The following GRIA4 variants were observed in gnomAD, a reference collection of about 807,000 sequenced individuals.
The protein encoded by GRIA4 is glutamate receptor 4.
Under a neutral mutation model 104.0 loss-of-function variants are expected in GRIA4, and 34 were observed. The ratio of observed to expected loss-of-function variants is 0.33; its 90% CI spans 0.25 to 0.44. GRIA4 has a LOEUF of 0.44. GRIA4 is among the 20% of genes least tolerant of loss of function. The pLI, the probability that GRIA4 is intolerant of heterozygous loss-of-function variation, is 1.00. For missense variants in GRIA4, 750 were observed against 1,096.5 expected, an observed-to-expected ratio of 0.68 and a Z score of 4.46; for synonymous variants, 386 against 381.9, an observed-to-expected ratio of 1.01 and a Z score of -0.13.
At chr11:105,676,498 G>T (rs1952541341) in intron 3 of GRIA4, among the ~76,000 whole-genome samples, 1 of 120,438 alleles carries the variant, frequency 8.3e-6, no homozygotes, top group Admixed American at 9.8e-5. Flanking sequence ...AAACATATTT[G>T]ATATCTTATA....
At chr11:105,867,499 T>A (rs1205222363) in intron 5 of GRIA4, among the ~76,000 whole-genome samples, 1 of 152,196 alleles carries the variant, frequency 6.6e-6, no homozygotes, top group Non-Finnish European at 1.5e-5. Flanking sequence ...CGTACAAATC[T>A]AGAACTCTGT....
intron 7 of GRIA4, among the ~76,000 whole-genome samples, chr11:105,901,494 G>C (rs1435265108): frequency 6.6e-6 from 1 of 152,166 alleles, no homozygotes; most frequent in African/African-American, 2.4e-5. Flanking sequence ...GAAATGATTA[G>C]TAAGAATATT....
At chr11:105,880,940 T>C (rs1946030473) in intron 5 of GRIA4, among the ~76,000 whole-genome samples, 1 of 152,218 alleles carries the variant, frequency 6.6e-6, no homozygotes, top group African/African-American at 2.4e-5. Flanking sequence ...ACTACTACAA[T>C]GGTTTACTTG....
intron 14 of GRIA4, among the ~76,000 whole-genome samples, chr11:105,946,180 C>T (rs1021764564): frequency 1.3e-5 from 2 of 152,164 alleles, no homozygotes; most frequent in Non-Finnish European, 1.5e-5. Context: ...TCACTATAAC[C>T]TCTCACTTTT....
rs60005308 is a variant in GRIA4 at position 105,911,775 on chromosome 11, A to AATATATATATATAT, written c.1269+1251_1269+1264dup. 8.5e-3 allele frequency: 632 copies of AATATATATATATAT among 74,534 alleles called. 24 individuals are homozygous for AATATATATATATAT. The highest frequency in any genetic ancestry group is 0.014 in the African/African-American group (200 of 14,458). The allele number at this position is 74,534 out of a possible 1,614,324, so 4.6% of individuals were successfully genotyped here. On this transcript the variant is annotated intron_variant, in intron 10 of 16. Transcript: ENST00000282499. ...AATATTTGCATGGGACTTGAAAAGC[A>AATATATATATATAT]ATATATATATATATATATATATATA...
intron 3 of GRIA4, among the ~76,000 whole-genome samples, chr11:105,660,333 C>T (rs1951970247): frequency 1.3e-5 from 2 of 151,558 alleles, no homozygotes; most frequent in Admixed American, 1.3e-4. Context: ...TTAAGAATAG[C>T]AGCAGAATTC....
Position 105,797,727 on chromosome 11 carries a change from A to C in GRIA4, c.487+44507A>C, listed in dbSNP as rs76755411. ...GTCTTGTTCATTTCTCTTTTGTAGG[A>C]CTTGTAATCAGTACCACACCATTGG... On this transcript the variant is annotated intron_variant, in intron 4 of 16. Coordinates refer to ENST00000282499, the MANE Select transcript of GRIA4 (RefSeq NM_000829.4). 1.3e-3 allele frequency: 543 copies of C among 411,954 alleles called. 8 individuals are homozygous for C. Among genetic ancestry groups the C allele is most frequent in the African/African-American group, 0.011 (518 of 48,228 alleles). The allele number at this position is 411,954 out of a possible 1,614,324, so 25.5% of individuals were successfully genotyped here.
Position 105,631,828 on chromosome 11 carries a change from G to T in GRIA4, c.247+19394G>T, listed in dbSNP as rs147689358. ...TGTGCATTGTATCATAATTGCCAAA[G>T]AAATACTATTAGGAGGGGCCAGATT... On this transcript the variant is annotated intron_variant, in intron 3 of 16. Transcript: ENST00000282499. Among the ~76,000 whole-genome samples, 540 of 152,274 alleles carry T rather than the reference G, an allele frequency of 3.5e-3. 2 individuals are homozygous for T. Among genetic ancestry groups the T allele is most frequent in the Non-Finnish European group, 5.7e-3 (388 of 68,018 alleles).
At chr11:105,929,151 T>C (rs1037783872) in intron 13 of GRIA4, among the ~76,000 whole-genome samples, 4 of 152,044 alleles carry the variant, frequency 2.6e-5, no homozygotes, top group African/African-American at 9.7e-5. Flanking sequence ...TTTGCTTCCC[T>C]CCTCTCCCAT....
chr11:105,815,125 C>G (rs1325687884), intron 4 of GRIA4, among the ~76,000 whole-genome samples: 1 of 152,166 alleles, frequency 6.6e-6, no homozygotes, highest in Non-Finnish European at 1.5e-5. Context: ...TGACAGAGTC[C>G]TGACAACAGT....
intron 10 of GRIA4, among the ~76,000 whole-genome samples, chr11:105,914,679 T>A (rs951861335): frequency 8.5e-5 from 13 of 152,196 alleles, no homozygotes; most frequent in African/African-American, 3.1e-4. Flanking sequence ...ACAACTCATA[T>A]TCACTAAGAA....
intron 11 of GRIA4, among the ~76,000 whole-genome samples, chr11:105,920,175 A>G (rs1408012849): frequency 2.6e-5 from 4 of 152,146 alleles, no homozygotes; most frequent in Non-Finnish European, 5.9e-5. Flanking sequence ...TATCCATAGG[A>G]AAGAATTGCT....
chr11:105,858,770 C>A (rs1192072160), intron 4 of GRIA4, among the ~76,000 whole-genome samples: 1 of 152,080 alleles, frequency 6.6e-6, no homozygotes, highest in African/African-American at 2.4e-5. Flanking sequence ...ACTTGTCTTT[C>A]TGTGCCTGGC....
At chr11:105,926,056 T>G (rs1288920727) in intron 12 of GRIA4, among the ~76,000 whole-genome samples, 1 of 151,986 alleles carries the variant, frequency 6.6e-6, no homozygotes, top group Non-Finnish European at 1.5e-5. Context: ...AAAGATAACT[T>G]TGAGACATGG....
chr11:105,659,041 C>T (rs1351190967), intron 3 of GRIA4, among the ~76,000 whole-genome samples: 1 of 151,916 alleles, frequency 6.6e-6, no homozygotes, highest in East Asian at 1.9e-4. Flanking sequence ...CTAGCATGTT[C>T]ACAGAAACAA....
At chr11:105,943,238 T>C (rs1175342096) in intron 14 of GRIA4, among the ~76,000 whole-genome samples, 1 of 152,118 alleles carries the variant, frequency 6.6e-6, no homozygotes, top group African/African-American at 2.4e-5. Context: ...AGCACTCCTC[T>C]GTAAGAAACA....
chr11:105,975,382 A>G (rs1858926286), intron 16 of GRIA4, among the ~76,000 whole-genome samples: 1 of 152,058 alleles, frequency 6.6e-6, no homozygotes, highest in East Asian at 1.9e-4. Context: ...ATTGCTTTTA[A>G]GCAATCCAGG....
At chr11:105,917,942 T>C (rs542561743) in intron 10 of GRIA4, among the ~76,000 whole-genome samples, 2 of 152,092 alleles carry the variant, frequency 1.3e-5, no homozygotes, top group East Asian at 3.9e-4. Flanking sequence ...TCAAATTTTC[T>C]GTCTCACTTG....
At chr11:105,908,757 C>T (rs1947131485) in intron 9 of GRIA4, among the ~76,000 whole-genome samples, 1 of 151,992 alleles carries the variant, frequency 6.6e-6, no homozygotes, top group African/African-American at 2.4e-5. Flanking sequence ...AGGTACTCTC[C>T]AAAAATGTAT....
Sources: gnomAD v4.1 joint callset for allele counts (sites outside exome capture counted in the v4.1 genomes callset) on GRCh38, gnomAD v4.1.1 for gene constraint, MANE v1.5 for transcripts, NCBI Gene and HGNC (gene_info 2026-07-23, HGNC 2026-07-21) for gene names.